The following CCDC73 variants were observed in gnomAD, a reference collection of about 807,000 sequenced individuals.
The protein encoded by CCDC73 is coiled-coil domain-containing protein 73.
CCDC73 carries 95 observed loss-of-function variants against 116.5 expected under a neutral mutation model. That is an observed-to-expected ratio of 0.82 (90% CI 0.69 to 0.97). CCDC73 has a LOEUF of 0.97. CCDC73 is among the 50% of genes least tolerant of loss of function. The pLI is 0.00. For missense variants in CCDC73, 1,066 were observed against 1,206.8 expected (o/e 0.88, Z 1.73); for synonymous variants, 398 against 401.3 (o/e 0.99, Z 0.10).
chr11:32,728,778 C>T (rs1178523472), intron 2 of CCDC73, among the ~76,000 whole-genome samples: 5 of 152,094 alleles, frequency 3.3e-5, no homozygotes, highest in Non-Finnish European at 7.4e-5. Context: ...GATCTCAGCT[C>T]ACTGCAACCT....
intron 2 of CCDC73, among the ~76,000 whole-genome samples, chr11:32,743,920 C>T (rs530053932): frequency 2.9e-4 from 44 of 152,268 alleles, no homozygotes; most frequent in African/African-American, 8.9e-4. Context: ...GCCTGACTGC[C>T]GTGGCCAGAA....
chr11:32,644,108 G>T (rs1347128185), intron 12 of CCDC73, among the ~76,000 whole-genome samples: 1 of 152,094 alleles, frequency 6.6e-6, no homozygotes, highest in Non-Finnish European at 1.5e-5. Context: ...ACAGTAGACT[G>T]AAGAAAGAAA....
intron 2 of CCDC73, among the ~76,000 whole-genome samples, chr11:32,732,901 C>A (rs574369355): frequency 6.6e-6 from 1 of 152,110 alleles, no homozygotes; most frequent in Non-Finnish European, 1.5e-5. Context: ...ATGATAGGAT[C>A]GAATTCACAC....
the CCDC73 span, among the ~76,000 whole-genome samples, chr11:32,801,990 T>A: frequency 6.6e-6 from 1 of 152,184 alleles, no homozygotes; most frequent in African/African-American, 2.4e-5. Flanking sequence ...CATTACATAT[T>A]TTATTGGATT....
chr11:32,656,763 A>T (rs765279105), intron 9 of CCDC73, among the ~76,000 whole-genome samples: 1 of 152,180 alleles, frequency 6.6e-6, no homozygotes, highest in Non-Finnish European at 1.5e-5. Context: ...CTTCCAATAA[A>T]TTCCTTTGCT....
intron 17 of CCDC73, among the ~76,000 whole-genome samples, chr11:32,609,960 T>TG (rs1157979180): frequency 6.6e-6 from 1 of 150,774 alleles, no homozygotes; most frequent in Non-Finnish European, 1.5e-5. Flanking sequence ...TTTTTTTTTT[T>TG]TTGTATTTTT....
At chr11:32,703,353 C>T (rs1849829298) in intron 3 of CCDC73, among the ~76,000 whole-genome samples, 1 of 151,928 alleles carries the variant, frequency 6.6e-6, no homozygotes, top group Non-Finnish European at 1.5e-5. Context: ...TCCCAAAATG[C>T]TAGGATTACA....
intron 17 of CCDC73, among the ~76,000 whole-genome samples, chr11:32,608,147 T>C (rs1446842665): frequency 6.6e-6 from 1 of 152,146 alleles, no homozygotes; most frequent in Admixed American, 6.5e-5. Context: ...ATTCTGCCCC[T>C]GGCCCCTCCC....
At chr11:32,645,291 C>CTTTTTCT (rs1855767366) in intron 12 of CCDC73, among the ~76,000 whole-genome samples, 1 of 121,084 alleles carries the variant, frequency 8.3e-6, no homozygotes, top group Non-Finnish European at 1.7e-5. Flanking sequence ...TTTTCTTTTT[C>CTTTTTCT]TTTTTTTTTT....
At chr11:32,748,332 G>T (rs1221949442) in intron 2 of CCDC73, among the ~76,000 whole-genome samples, 1 of 151,952 alleles carries the variant, frequency 6.6e-6, no homozygotes, top group Admixed American at 6.6e-5. Flanking sequence ...CATTAGGCTT[G>T]CAAATACTAT....
chr11:32,754,833 C>T (rs931730952), intron 2 of CCDC73, among the ~76,000 whole-genome samples: 1 of 145,906 alleles, frequency 6.9e-6, no homozygotes, highest in Non-Finnish European at 1.5e-5. Context: ...CCAGGAATGT[C>T]AATTAGCTGG....
intron 9 of CCDC73, among the ~76,000 whole-genome samples, chr11:32,658,870 C>T (rs1458030792): frequency 6.6e-6 from 1 of 151,510 alleles, no homozygotes; most frequent in Admixed American, 6.6e-5. Flanking sequence ...CTAAGTGAAA[C>T]TGGAAGAAAG....
At chr11:32,693,896 G>A (rs1856284988) in intron 6 of CCDC73, among the ~76,000 whole-genome samples, 1 of 152,108 alleles carries the variant, frequency 6.6e-6, no homozygotes. Flanking sequence ...AATAAACTAG[G>A]TATTGATGGA....
chr11:32,667,033 G>A (rs1269409129), intron 9 of CCDC73, among the ~76,000 whole-genome samples: 2 of 152,188 alleles, frequency 1.3e-5, no homozygotes. Flanking sequence ...TCGTCTCAGA[G>A]GGGCACACGG....
intron 1 of CCDC73, among the ~76,000 whole-genome samples, chr11:32,763,550 G>A (rs1476196805): frequency 2.0e-5 from 3 of 152,152 alleles, no homozygotes; most frequent in Non-Finnish European, 2.9e-5. Flanking sequence ...TGCAGCTGAG[G>A]GTCCTGACTG....
chr11:32,607,178 C>T (rs1223225201), intron 17 of CCDC73, among the ~76,000 whole-genome samples: 117 of 142,738 alleles, frequency 8.2e-4, no homozygotes, highest in African/African-American at 2.7e-3. Context: ...CTGCAAGCTC[C>T]GCCTCCCGGG....
At chr11:32,627,504 T>C (rs1267709594) in intron 14 of CCDC73, among the ~76,000 whole-genome samples, 1 of 152,206 alleles carries the variant, frequency 6.6e-6, no homozygotes, top group Non-Finnish European at 1.5e-5. Context: ...CATGCTGTTA[T>C]AAAGACACAT....
At chr11:32,634,546 A>G (rs1855661220) in intron 14 of CCDC73, among the ~76,000 whole-genome samples, 3 of 152,248 alleles carry the variant, frequency 2.0e-5, no homozygotes, top group African/African-American at 7.2e-5. Context: ...AAAAACATAT[A>G]GCTAAAATGA....
intron 12 of CCDC73, among the ~76,000 whole-genome samples, chr11:32,648,831 G>A (rs1008348602): frequency 1.4e-4 from 22 of 152,218 alleles, no homozygotes; most frequent in Admixed American, 8.5e-4. Context: ...GACCACAGGC[G>A]TGAGCCACTG....
Sources: gnomAD v4.1 joint callset for allele counts (sites outside exome capture counted in the v4.1 genomes callset) on GRCh38, gnomAD v4.1.1 for gene constraint, MANE v1.5 for transcripts, NCBI Gene and HGNC (gene_info 2026-07-23, HGNC 2026-07-21) for gene names.